Variants in INPP5A observed in about 807,000 individuals in gnomAD.
The protein encoded by INPP5A is inositol polyphosphate-5-phosphatase A.
A neutral mutation model predicts 65.2 loss-of-function variants in INPP5A; 14 were observed. The observed-to-expected ratio is 0.21, with a 90% CI of 0.14 to 0.34. The LOEUF is 0.34. Ranked by LOEUF, INPP5A falls within the 10% of genes least tolerant of loss-of-function variation. The pLI is 1.00. For synonymous variants in INPP5A, 207 were observed against 208.3 expected (o/e 0.99, Z 0.05); for missense variants, 431 against 545.6 (o/e 0.79, Z 2.09).
chr10:132,719,921 G>C (rs1478332856), intron 8 of INPP5A, among the ~76,000 whole-genome samples: 2 of 150,698 alleles, frequency 1.3e-5, no homozygotes, highest in Non-Finnish European at 3.0e-5. Flanking sequence ...TTCTGTCTGG[G>C]CACCTTAGAC....
At chr10:132,683,479 G>A (rs1406362563) in intron 4 of INPP5A, among the ~76,000 whole-genome samples, 1 of 152,170 alleles carries the variant, frequency 6.6e-6, no homozygotes, top group Non-Finnish European at 1.5e-5. Context: ...TAATTCACGT[G>A]TACATGTGTG....
In INPP5A at chr10:132,741,411, C is replaced by T. The variant is rs541133083; in HGVS notation, c.733-8106C>T. On this transcript the variant is annotated intron_variant, in intron 9 of 15. Transcript: ENST00000368594. The surrounding 1 kb of genome is among the most constrained non-coding windows in gnomAD (Gnocchi z 4.4). ...GGACAAACACTGCAGGTTCACACCA[C>T]GGGAACTTCTCGGCATCTGTGCCAG... 1.3e-5 allele frequency among the ~76,000 whole-genome samples: 2 copies of T among 152,306 alleles called. No individual in the cohort carries two copies. The highest frequency in any genetic ancestry group is 1.9e-4 in the East Asian group (1 of 5,182).
intron 1 of INPP5A, among the ~76,000 whole-genome samples, chr10:132,571,715 G>A (rs1258919772): frequency 6.6e-6 from 1 of 152,242 alleles, no homozygotes; most frequent in Non-Finnish European, 1.5e-5. Context: ...CGTGCTGTAA[G>A]GACCTCGAGT....
chr10:132,618,260 A>G (rs571988423), intron 2 of INPP5A, among the ~76,000 whole-genome samples: 1 of 152,390 alleles, frequency 6.6e-6, no homozygotes, highest in South Asian at 2.1e-4. Context: ...GTAGGCAAAT[A>G]GCTTCTCCCA....
chr10:132,615,568 G>T (rs2072020593), intron 2 of INPP5A, among the ~76,000 whole-genome samples: 1 of 152,228 alleles, frequency 6.6e-6, no homozygotes, highest in African/African-American at 2.4e-5. Context: ...TTGACCGAAG[G>T]GGTGGGACCC....
chr10:132,578,746 A>G (rs1226813510), intron 1 of INPP5A, among the ~76,000 whole-genome samples: 1 of 138,806 alleles, frequency 7.2e-6, no homozygotes, highest in South Asian at 2.5e-4. Flanking sequence ...GCTCCAGGAC[A>G]CCAGGAGAGT....
intron 9 of INPP5A, among the ~76,000 whole-genome samples, chr10:132,737,054 C>T (rs1846189233): frequency 6.6e-6 from 1 of 152,222 alleles, no homozygotes; most frequent in Non-Finnish European, 1.5e-5. Context: ...TGTCGCTAGC[C>T]CTGTGTATGG....
At position 132,555,428 on chromosome 10, in the gene INPP5A, G is replaced by A. The variant is rs1225145402; in HGVS notation, c.75+17257G>A. On this transcript the variant is annotated intron_variant, in intron 1 of 15. Transcript: ENST00000368594. The surrounding 1 kb of genome is among the most constrained non-coding windows in gnomAD (Gnocchi z 4.4). ...TCTGATAAGTTGCCTGGCCGGAAGGGGAAGAAGGGGGGCTTGGGCTGGGGC... is the reference window on the plus strand; with the variant it reads ...TCTGATAAGTTGCCTGGCCGGAAGGAGAAGAAGGGGGGCTTGGGCTGGGGC... Among the ~76,000 whole-genome samples, 1 of 152,116 alleles carries A rather than the reference G, an allele frequency of 6.6e-6. No individual in the cohort carries two copies. The highest frequency in any genetic ancestry group is 2.4e-5 in the African/African-American group (1 of 41,396).
chr10:132,717,976 G>A (rs1380170120), intron 8 of INPP5A, among the ~76,000 whole-genome samples: 2 of 133,984 alleles, frequency 1.5e-5, no homozygotes, highest in African/African-American at 5.7e-5. Context: ...GGTTCTTTCT[G>A]GGGGCGCCTT....
chr10:132,689,752 C>T (rs754632299), intron 4 of INPP5A, among the ~76,000 whole-genome samples: 19 of 152,260 alleles, frequency 1.2e-4, no homozygotes, highest in Non-Finnish European at 2.5e-4. Context: ...TGGTATCCGT[C>T]GACCCAGCCC....
intron 12 of INPP5A, among the ~76,000 whole-genome samples, chr10:132,771,535 C>T (rs1160563184): frequency 4.6e-5 from 7 of 152,190 alleles, no homozygotes; most frequent in African/African-American, 1.7e-4. Context: ...CGCAGGGGTC[C>T]CAGGGACCCA....
rs188875960 is a variant in INPP5A at position 132,559,183 on chromosome 10, C to T, written c.75+21012C>T. ...CTCTGGAGGAAGGCTGCCCGCCGCT[C>T]GGGGCCGTCGGTGGCTTCGGAGCTG... is the stretch of plus-strand genomic sequence containing the variant. On this transcript the variant is annotated intron_variant, in intron 1 of 15. Transcript: ENST00000368594. Among the ~76,000 whole-genome samples, 16 of 152,296 alleles carry T rather than the reference C, an allele frequency of 1.1e-4. No homozygotes were observed. In the South Asian group the frequency reaches 1.2e-3, roughly 12 times the overall value.
rs190278131 is a variant in INPP5A at position 132,597,882 on chromosome 10, C to T, written c.76-10033C>T. Among the ~76,000 whole-genome samples the T allele has an allele frequency of 5.2e-3, 546 of 105,294 alleles. 2 individuals are homozygous for T. The highest frequency in any genetic ancestry group is 7.6e-3 in the Non-Finnish European group (399 of 52,428). The allele number at this position is 105,294 out of a possible 152,430, so 69.1% of individuals were successfully genotyped here. On this transcript the variant is annotated intron_variant, in intron 1 of 15. Transcript: ENST00000368594. ...TGACTCTGGGTCTGTGGTGCGTGTTCCGGGGCTGTGCTATGCGTAGTGACT... is the reference window on the plus strand; with the variant it reads ...TGACTCTGGGTCTGTGGTGCGTGTTTCGGGGCTGTGCTATGCGTAGTGACT...
chr10:132,610,481 G>C (rs1041335892), intron 2 of INPP5A, among the ~76,000 whole-genome samples: 1 of 152,236 alleles, frequency 6.6e-6, no homozygotes, highest in Non-Finnish European at 1.5e-5. Context: ...CCCAAGCGAG[G>C]TGCTGGCCCT....
chr10:132,566,583 T>G (rs2071277563), intron 1 of INPP5A, among the ~76,000 whole-genome samples: 1 of 152,252 alleles, frequency 6.6e-6, no homozygotes, highest in Non-Finnish European at 1.5e-5. Context: ...ATTCCCTGTT[T>G]TCATAAGTTA....
chr10:132,600,372 AG>A (rs2071760155), intron 1 of INPP5A, among the ~76,000 whole-genome samples: 1 of 152,182 alleles, frequency 6.6e-6, no homozygotes, highest in Non-Finnish European at 1.5e-5. Context: ...AAACATAACA[AG>A]GGTCACCTTC....
At position 132,690,365 on chromosome 10, in the gene INPP5A, C is replaced by G. The variant is rs776260334; in HGVS notation, c.307-27C>G. 6.7e-5 allele frequency: 97 copies of G among 1,445,678 alleles called. No individual in the cohort carries two copies. The South Asian group carries it at 1.1e-3, about 16-fold the overall frequency. The allele number at this position is 1,445,678 out of a possible 1,614,324, so 89.6% of individuals were successfully genotyped here. A position where few individuals can be genotyped will look rare whatever the true frequency, so the allele number is the denominator to read the frequency against. On this transcript the variant is annotated intron_variant, in intron 4 of 15. Coordinates refer to ENST00000368594, the MANE Select transcript of INPP5A (RefSeq NM_005539.5). ...AGAAATATTCCCAGCACCAGTCTCT[C>G]ATTTGATTTCTCTTTTTGCTCTACA...
intron 11 of INPP5A, 51 bp from the exon 12 acceptor site, chr10:132,765,722 C>T (rs1381544370): frequency 1.8e-6 from 2 of 1,109,988 alleles, no homozygotes; most frequent in Non-Finnish European, 2.8e-6. Context: ...ACACGTGCCC[C>T]CAGCGAGGAA....
rs560158599 is a variant in INPP5A, at chr10:132,616,400, G to T, written c.117+8444G>T. Among the ~76,000 whole-genome samples, 1 of 152,004 alleles carries T rather than the reference G, an allele frequency of 6.6e-6. No individual in the cohort carries two copies. The highest frequency in any genetic ancestry group is 1.5e-5 in the Non-Finnish European group (1 of 67,972). On this transcript the variant is annotated intron_variant, in intron 2 of 15. Transcript: ENST00000368594. This position sits in a 1 kb window ranked among gnomAD's most constrained non-coding sequence, Gnocchi z 4.9. The stretch of plus-strand genomic sequence containing the variant: ...GTGGGCGTGGTGTGAGGTATGTGGC[G>T]TGCGGGGACGCCGTGGGCGTGGTGT...
Sources: allele counts gnomAD v4.1 joint callset (sites outside exome capture counted in the v4.1 genomes callset), GRCh38; gene constraint gnomAD v4.1.1; non-coding constraint Gnocchi (gnomAD v3.1); transcripts MANE v1.5; gene names NCBI Gene and HGNC (gene_info 2026-07-23, HGNC 2026-07-21).